The following PTPRT variants were observed in gnomAD, a reference collection of about 807,000 sequenced individuals.
PTPRT encodes protein tyrosine phosphatase receptor type T.
A neutral mutation model predicts 176.8 loss-of-function variants in PTPRT; 56 were observed. The ratio of observed to expected loss-of-function variants is 0.32; its 90% CI spans 0.26 to 0.40. PTPRT has a LOEUF of 0.40. PTPRT is among the 10% of genes least tolerant of loss of function. PTPRT has a pLI of 1.00. For missense variants in PTPRT, 1,540 were observed against 1,908.2 expected (o/e 0.81, Z 3.60); for synonymous variants, 783 against 739.0 (o/e 1.06, Z -0.96).
chr20:42,246,644 G>A (rs2056456384), intron 14 of PTPRT, among the ~76,000 whole-genome samples: 1 of 152,234 alleles, frequency 6.6e-6, no homozygotes, highest in Admixed American at 6.5e-5. Context: ...AAATAGCTGT[G>A]AGAAGGAAGT....
chr20:42,677,339 A>G (rs555296571), intron 7 of PTPRT, among the ~76,000 whole-genome samples: 1 of 152,178 alleles, frequency 6.6e-6, no homozygotes, highest in Non-Finnish European at 1.5e-5. Flanking sequence ...AGAAGCCCCC[A>G]AGGACATAGT....
At chr20:42,527,737 T>C (rs2072304213) in intron 7 of PTPRT, among the ~76,000 whole-genome samples, 1 of 152,214 alleles carries the variant, frequency 6.6e-6, no homozygotes, top group Non-Finnish European at 1.5e-5. Flanking sequence ...CCTGAAAATG[T>C]CATTTGTAAT....
At chr20:42,619,422 G>A (rs2074145620) in intron 7 of PTPRT, among the ~76,000 whole-genome samples, 5 of 121,070 alleles carry the variant, frequency 4.1e-5, no homozygotes, top group Non-Finnish European at 8.3e-5. Flanking sequence ...ATGTGTCTTG[G>A]AGTTGCTCTT....
intron 13 of PTPRT, among the ~76,000 whole-genome samples, chr20:42,273,539 T>A (rs2056976141): frequency 6.6e-6 from 1 of 152,180 alleles, no homozygotes; most frequent in South Asian, 2.1e-4. Context: ...TGTCATTGGT[T>A]TATAGATGGG....
chr20:42,244,573 G>A (rs571945350), intron 14 of PTPRT, among the ~76,000 whole-genome samples: 3 of 152,118 alleles, frequency 2.0e-5, no homozygotes, highest in African/African-American at 7.2e-5. Flanking sequence ...CAAGTCCAGG[G>A]GTGCGGATCT....
At chr20:42,781,075 C>A (rs1295728863) in intron 3 of PTPRT, among the ~76,000 whole-genome samples, 1 of 152,138 alleles carries the variant, frequency 6.6e-6, no homozygotes, top group Non-Finnish European at 1.5e-5. Flanking sequence ...CCGGCACAGT[C>A]TCTACCGACA....
chr20:42,774,571 T>C (rs1275526496), intron 4 of PTPRT, among the ~76,000 whole-genome samples: 8 of 152,208 alleles, frequency 5.3e-5, no homozygotes, highest in Non-Finnish European at 8.8e-5. Flanking sequence ...TAACAAAACA[T>C]GTGTACATGC....
intron 7 of PTPRT, among the ~76,000 whole-genome samples, chr20:42,524,746 G>A (rs920371045): frequency 9.2e-5 from 14 of 152,044 alleles, no homozygotes; most frequent in Non-Finnish European, 1.8e-4. Flanking sequence ...GAATACATAT[G>A]TGAGACTCTC....
intron 6 of PTPRT, among the ~76,000 whole-genome samples, chr20:42,743,520 T>C (rs1212195671): frequency 2.0e-5 from 3 of 152,216 alleles, no homozygotes; most frequent in Non-Finnish European, 4.4e-5. Flanking sequence ...AGGAATTCCA[T>C]TGTTTTAAGG....
At chr20:42,969,022 C>A (rs1183277977) in intron 1 of PTPRT, 1 of 152,208 alleles carries the variant, frequency 6.6e-6, no homozygotes, top group Non-Finnish European at 1.5e-5. Flanking sequence ...GACAAGTCAT[C>A]ATCCGCTTCG....
At chr20:42,900,912 G>A (rs771137095) in intron 1 of PTPRT, among the ~76,000 whole-genome samples, 4 of 152,084 alleles carry the variant, frequency 2.6e-5, no homozygotes, top group South Asian at 4.2e-4. Flanking sequence ...AAAACCCCTC[G>A]TGGCCTCTGG....
chr20:42,053,761 A>T, the PTPRT span, among the ~76,000 whole-genome samples: 5 of 151,960 alleles, frequency 3.3e-5, no homozygotes, highest in African/African-American at 1.2e-4. Flanking sequence ...CATTCACTTA[A>T]TTTTTTTCTT....
chr20:42,959,567 T>C (rs561150217), intron 1 of PTPRT, among the ~76,000 whole-genome samples: 16 of 152,314 alleles, frequency 1.1e-4, no homozygotes, highest in African/African-American at 3.6e-4. Context: ...ATGCTGTGAC[T>C]GGCCTCCACC....
At chr20:42,268,343 T>TA (rs1384323699) in intron 13 of PTPRT, among the ~76,000 whole-genome samples, 2 of 152,158 alleles carry the variant, frequency 1.3e-5, no homozygotes, top group Non-Finnish European at 2.9e-5. Flanking sequence ...AAGCACCTGA[T>TA]ATGGGACTGG....
intron 11 of PTPRT, among the ~76,000 whole-genome samples, chr20:42,338,984 T>C (rs2058076889): frequency 2.6e-5 from 4 of 152,142 alleles, no homozygotes; most frequent in African/African-American, 7.2e-5. Flanking sequence ...GGGGGGACAA[T>C]GCATACAGAT....
At chr20:42,775,612 A>T (rs945453345) in intron 4 of PTPRT, among the ~76,000 whole-genome samples, 9 of 135,956 alleles carry the variant, frequency 6.6e-5, no homozygotes, top group Non-Finnish European at 1.4e-4. Flanking sequence ...TCCGTTTGTA[A>T]GAGAAAATAA....
intron 12 of PTPRT, among the ~76,000 whole-genome samples, chr20:42,297,631 T>A (rs1456134199): frequency 3.9e-5 from 6 of 152,092 alleles, no homozygotes; most frequent in African/African-American, 1.4e-4. Context: ...AAAGTTTAGA[T>A]CCCATAATTA....
At chr20:42,270,284 G>A in intron 13 of PTPRT, 2 of 884,224 alleles carry the variant, frequency 2.3e-6, no homozygotes, top group Middle Eastern at 3.3e-4. Flanking sequence ...GGGGGGGTGG[G>A]TGGGTGGGTG....
intron 7 of PTPRT, among the ~76,000 whole-genome samples, chr20:42,520,740 T>A (rs2072156465): frequency 1.3e-5 from 2 of 151,920 alleles, no homozygotes; most frequent in African/African-American, 4.8e-5. Context: ...ATGCTAGTTG[T>A]GTTCATTGTT....
Sources: gnomAD v4.1 joint callset for allele counts (sites outside exome capture counted in the v4.1 genomes callset) on GRCh38, gnomAD v4.1.1 for gene constraint, MANE v1.5 for transcripts, NCBI Gene and HGNC (gene_info 2026-07-23, HGNC 2026-07-21) for gene names.